The following DSCAM variants were observed in gnomAD, a reference collection of about 807,000 sequenced individuals.
DSCAM encodes cell adhesion molecule DSCAM.
Under a neutral mutation model 217.7 loss-of-function variants are expected in DSCAM, and 47 were observed. The observed-to-expected ratio is 0.22, with a 90% CI of 0.17 to 0.28. The LOEUF (loss-of-function observed/expected upper bound fraction) is 0.28, where lower values mean the gene tolerates loss of function less well. Among genes scored for constraint, DSCAM ranks in the 10% least tolerant of loss-of-function variants. The probability of loss-of-function intolerance (pLI) is 1.00; values close to 1 mark genes in which losing one functional copy is unlikely to be tolerated. For missense variants in DSCAM, 2,080 were observed against 2,618.3 expected, an observed-to-expected ratio of 0.79 and a Z score of 4.49; for synonymous variants, 1,056 against 1,015.3, an observed-to-expected ratio of 1.04 and a Z score of -0.76.
At chr21:40,140,023 G>A (rs575247224) in intron 18 of DSCAM, among the ~76,000 whole-genome samples, 11 of 151,836 alleles carry the variant, frequency 7.2e-5, no homozygotes, top group African/African-American at 1.7e-4. Flanking sequence ...TGGTGTGTGC[G>A]CACGTGTATG....
intron 32 of DSCAM, among the ~76,000 whole-genome samples, chr21:40,020,495 T>C (rs931983639): frequency 1.3e-5 from 2 of 151,684 alleles, no homozygotes; most frequent in Non-Finnish European, 2.9e-5. Flanking sequence ...AAGCAGGGCA[T>C]ACACATCAAG....
chr21:40,575,009 CT>C (rs1253923996), intron 3 of DSCAM, among the ~76,000 whole-genome samples: 1 of 144,534 alleles, frequency 6.9e-6, no homozygotes, highest in Non-Finnish European at 1.6e-5. Flanking sequence ...CCCCTGTGAC[CT>C]TCACATACAC....
chr21:40,360,293 C>T (rs1257416229), intron 4 of DSCAM, among the ~76,000 whole-genome samples: 3 of 151,676 alleles, frequency 2.0e-5, no homozygotes, highest in Admixed American at 6.6e-5. Context: ...CCACCACGCC[C>T]GGCTAATTTT....
chr21:40,708,657 G>T lies in DSCAM; in HGVS notation c.158C>A (p.Pro53His). The stretch of plus-strand genomic sequence containing the variant: ...GGCTAGGTACCATCTGAGAGTCACA[G>T]GAGGGATGCCTGCTGCGGGGCAGGG... ...LVPCPAAGIP[P>H]VTLRWYLATG... The change falls in exon 2 of 33, where the codon CCT becomes CAT. Residue 53 changes from proline (P) to histidine (H), a missense_variant. Pro to His is a moderately conservative substitution (Grantham distance 77). This residue lies in a region of DSCAM where 568 missense variants were observed against 678.1 expected (regional missense o/e 0.84). Coordinates refer to ENST00000400454, the MANE Select transcript of DSCAM (RefSeq NM_001389.5). The T allele has an allele frequency of 1.9e-6, 3 of 1,613,638 alleles. No homozygotes were observed. Among genetic ancestry groups the T allele is most frequent in the African/African-American group, 2.7e-5 (2 of 75,042 alleles).
chr21:40,692,579 G>A (rs1204984213), intron 3 of DSCAM, among the ~76,000 whole-genome samples: 2 of 152,190 alleles, frequency 1.3e-5, no homozygotes, highest in East Asian at 3.8e-4. Context: ...CAGTTACAGT[G>A]CCGGTAACTA....
At chr21:40,683,052 C>A (rs2146429451) in intron 3 of DSCAM, among the ~76,000 whole-genome samples, 1 of 152,310 alleles carries the variant, frequency 6.6e-6, no homozygotes, top group African/African-American at 2.4e-5. Context: ...CATCTGCACG[C>A]CAGGATGAGG....
intron 11 of DSCAM, among the ~76,000 whole-genome samples, chr21:40,195,173 A>C (rs1379807055): frequency 1.3e-5 from 2 of 152,182 alleles, no homozygotes; most frequent in Non-Finnish European, 2.9e-5. Context: ...TTAATTTTTT[A>C]ACCCTAGGAT....
chr21:40,256,589 G>A (rs770438338), intron 11 of DSCAM, among the ~76,000 whole-genome samples: 4 of 150,526 alleles, frequency 2.7e-5, no homozygotes, highest in Admixed American at 6.6e-5. Context: ...GCTTGGGTCC[G>A]AAGGAGGCAG....
chr21:40,052,765 G>C (rs1281688363), intron 29 of DSCAM, among the ~76,000 whole-genome samples: 2 of 152,126 alleles, frequency 1.3e-5, no homozygotes, highest in African/African-American at 4.8e-5. Flanking sequence ...TGATTCACTT[G>C]TCAGACTTCC....
At chr21:40,075,542 T>G (rs2089354358) in intron 26 of DSCAM, among the ~76,000 whole-genome samples, 1 of 152,174 alleles carries the variant, frequency 6.6e-6, no homozygotes, top group Admixed American at 6.5e-5. Flanking sequence ...AGTGTTCCCT[T>G]GACTGTCACC....
At chr21:40,695,072 T>A (rs556813108) in intron 2 of DSCAM, among the ~76,000 whole-genome samples, 12 of 152,306 alleles carry the variant, frequency 7.9e-5, no homozygotes, top group African/African-American at 2.9e-4. Context: ...TGCTTGTTTC[T>A]TTGCAATAAA....
At chr21:40,048,275 C>A (rs747296419) in intron 30 of DSCAM, among the ~76,000 whole-genome samples, 1 of 152,208 alleles carries the variant, frequency 6.6e-6, no homozygotes, top group Non-Finnish European at 1.5e-5. Context: ...GACTCAATGT[C>A]TTTTCTTTTC....
At chr21:40,582,346 GTTT>G (rs111639084) in intron 3 of DSCAM, among the ~76,000 whole-genome samples, 2,474 of 152,186 alleles carry the variant, frequency 0.016, 52 homozygotes, top group African/African-American at 0.056. Flanking sequence ...CGGTTTGCAG[GTTT>G]TTAATTTTCT....
intron 1 of DSCAM, among the ~76,000 whole-genome samples, chr21:40,758,864 C>G (rs1225136007): frequency 6.6e-6 from 1 of 152,142 alleles, no homozygotes; most frequent in Non-Finnish European, 1.5e-5. Context: ...TGAAGACCCT[C>G]ATGCCCTGAC....
chr21:40,580,980 T>C (rs916787412), intron 3 of DSCAM, among the ~76,000 whole-genome samples: 1 of 152,166 alleles, frequency 6.6e-6, no homozygotes, highest in Non-Finnish European at 1.5e-5. Flanking sequence ...TGAAAGGACT[T>C]CGAAGAAAGA....
At chr21:40,094,971 G>A (rs565348515) in intron 20 of DSCAM, among the ~76,000 whole-genome samples, 10 of 152,230 alleles carry the variant, frequency 6.6e-5, no homozygotes, top group East Asian at 3.9e-4. Flanking sequence ...ATGTCACAGC[G>A]ATACCATGGA....
At chr21:40,376,237 A>G (rs1258120401) in intron 3 of DSCAM, among the ~76,000 whole-genome samples, 1 of 152,034 alleles carries the variant, frequency 6.6e-6, no homozygotes, top group Non-Finnish European at 1.5e-5. Flanking sequence ...TGATGGCCAC[A>G]CTGTGTCATG....
At chr21:40,364,017 G>A (rs1228382504) in intron 4 of DSCAM, among the ~76,000 whole-genome samples, 1 of 152,202 alleles carries the variant, frequency 6.6e-6, no homozygotes, top group Non-Finnish European at 1.5e-5. Flanking sequence ...TCATTAAAAA[G>A]TCAGGAAACA....
At chr21:40,704,860 G>A (rs1280489218) in intron 2 of DSCAM, among the ~76,000 whole-genome samples, 1 of 152,190 alleles carries the variant, frequency 6.6e-6, no homozygotes, top group African/African-American at 2.4e-5. Context: ...ATAAGTGAGG[G>A]TTTATAGCCA....
Sources: allele counts gnomAD v4.1 joint callset (sites outside exome capture counted in the v4.1 genomes callset), GRCh38; gene constraint gnomAD v4.1.1; regional missense constraint gnomAD v4.1.1; transcripts MANE v1.5; gene names NCBI Gene and HGNC (gene_info 2026-07-23, HGNC 2026-07-21).